Variants in UTS2 observed in about 807,000 individuals in gnomAD.
The protein encoded by UTS2 is urotensin-2.
UTS2 carries 10 observed loss-of-function variants against 12.6 expected under a neutral mutation model. The observed-to-expected ratio is 0.80, with a 90% CI of 0.49 to 1.35. The LOEUF is 1.35. Ranked by LOEUF, UTS2 falls within the 40% of genes most tolerant of loss-of-function variation. UTS2 has a pLI of 0.00. For missense variants in UTS2, 142 were observed against 143.2 expected, an observed-to-expected ratio of 0.99 and a Z score of 0.04; for synonymous variants, 52 against 50.0, an observed-to-expected ratio of 1.04 and a Z score of -0.17.
At chr1:7,893,910 G>A in the UTS2 span, among the ~76,000 whole-genome samples, 1 of 152,202 alleles carries the variant, frequency 6.6e-6, no homozygotes, top group Admixed American at 6.5e-5. Context: ...ATTGGGAAAT[G>A]ATAGATTCTT....
At chr1:7,897,863 A>AG in the UTS2 span, among the ~76,000 whole-genome samples, 4 of 152,326 alleles carry the variant, frequency 2.6e-5, no homozygotes, top group East Asian at 7.7e-4. Context: ...CTGGGATTAC[A>AG]GGCATTAGCC....
upstream of UTS2, chr1:7,853,177 T>A: frequency 7.3e-6 from 11 of 1,511,232 alleles, no homozygotes; most frequent in Non-Finnish European, 9.8e-6. Context: ...AGGCAATCAC[T>A]TTGCATTGAT....
At chr1:7,909,449 G>A in the UTS2 span, among the ~76,000 whole-genome samples, 3 of 150,098 alleles carry the variant, frequency 2.0e-5, no homozygotes, top group Non-Finnish European at 3.0e-5. Context: ...GAGGCTGAGA[G>A]AGGAGAATTG....
the UTS2 span, among the ~76,000 whole-genome samples, chr1:7,883,080 C>T: frequency 1.3e-5 from 2 of 152,134 alleles, no homozygotes; most frequent in Non-Finnish European, 2.9e-5. Flanking sequence ...TATATCTGCA[C>T]TCCCATGTTT....
At chr1:7,871,051 T>A in the UTS2 span, among the ~76,000 whole-genome samples, 1 of 152,216 alleles carries the variant, frequency 6.6e-6, no homozygotes, top group African/African-American at 2.4e-5. Flanking sequence ...AAAAGAACCG[T>A]GTGAGGCTAA....
At chr1:7,853,761 A>AC (rs1247798257), upstream of UTS2, among the ~76,000 whole-genome samples, 1 of 152,134 alleles carries the variant, frequency 6.6e-6, no homozygotes, top group Non-Finnish European at 1.5e-5. Context: ...TCCCAACTGT[A>AC]CTCTGCCCAA....
At chr1:7,864,370 T>G in the UTS2 span, among the ~76,000 whole-genome samples, 1 of 152,104 alleles carries the variant, frequency 6.6e-6, no homozygotes, top group African/African-American at 2.4e-5. Flanking sequence ...CTTCCCCCTC[T>G]CCCTCCTGTC....
intron 1 of UTS2, among the ~76,000 whole-genome samples, chr1:7,852,491 A>G (rs1354785737): frequency 8.5e-6 from 1 of 118,086 alleles, no homozygotes; most frequent in African/African-American, 3.0e-5. Flanking sequence ...TTTTTTAAAC[A>G]AAAGGTGAAA....
chr1:7,847,883 C>A lies in UTS2; in HGVS notation c.259-1G>T. 6.3e-7 allele frequency: 1 copy of A among 1,591,992 alleles called. No homozygotes were observed. On this transcript the variant is annotated splice_acceptor_variant, in intron 3 of 3. Coordinates refer to ENST00000361696, the MANE Select transcript of UTS2 (RefSeq NM_006786.4). LOFTEE classifies it high-confidence loss of function. ...GATCTTGTCCAGAGAAATCCTGAAACTAAAACAATCCAAACGAACAACAAC... is the reference window on the plus strand; with the variant it reads ...GATCTTGTCCAGAGAAATCCTGAAAATAAAACAATCCAAACGAACAACAAC...
the UTS2 span, among the ~76,000 whole-genome samples, chr1:7,898,499 G>A: frequency 4.0e-5 from 6 of 151,506 alleles, no homozygotes; most frequent in South Asian, 2.1e-4. Flanking sequence ...TTTTTGAGAC[G>A]GAGTCTCACT....
the UTS2 span, among the ~76,000 whole-genome samples, chr1:7,895,207 A>G: frequency 1.3e-5 from 2 of 152,128 alleles, no homozygotes; most frequent in South Asian, 4.1e-4. Flanking sequence ...TGTCTCTACT[A>G]AAAATACAAA....
At chr1:7,912,102 A>C in the UTS2 span, among the ~76,000 whole-genome samples, 1 of 152,152 alleles carries the variant, frequency 6.6e-6, no homozygotes. Flanking sequence ...CACTGTGGTC[A>C]CACTGTTTTA....
upstream of UTS2, among the ~76,000 whole-genome samples, chr1:7,857,086 GGAAGGAAGGAAGAAAAGGAAT>G (rs1485715750): frequency 3.9e-3 from 507 of 130,266 alleles, 3 homozygotes; most frequent in African/African-American, 0.014. Context: ...AGAGAGGGAA[GGAAGGAAGGAAGAAAAGGAAT>G]GAAGGAAGGA....
the UTS2 span, among the ~76,000 whole-genome samples, chr1:7,904,203 G>A: frequency 1.9e-3 from 294 of 151,694 alleles, 4 homozygotes; most frequent in African/African-American, 6.6e-3. Context: ...AAAGATGGCC[G>A]AGCACATTAT....
At chr1:7,896,496 A>G in the UTS2 span, among the ~76,000 whole-genome samples, 1 of 152,274 alleles carries the variant, frequency 6.6e-6, no homozygotes. Context: ...TTCTTAGTGG[A>G]AAATGAAATG....
intron 3 of UTS2, 40 bp from the exon 4 acceptor site, chr1:7,847,922 A>G (rs778151403): frequency 4.3e-6 from 6 of 1,386,398 alleles, no homozygotes; most frequent in African/African-American, 1.5e-5. Flanking sequence ...AAAAAAAAAC[A>G]GATAAGTTAC....
chr1:7,854,416 A>G (rs1460196393), upstream of UTS2, among the ~76,000 whole-genome samples: 4 of 150,162 alleles, frequency 2.7e-5, no homozygotes, highest in African/African-American at 9.8e-5. Context: ...GTGGTGGTGC[A>G]TGCCTGTATC....
chr1:7,862,391 A>G, the UTS2 span, among the ~76,000 whole-genome samples: 1 of 151,856 alleles, frequency 6.6e-6, no homozygotes, highest in Non-Finnish European at 1.5e-5. Context: ...ATACCTGCGA[A>G]TACCTGAGGC....
chr1:7,855,516 G>A (rs896992425), upstream of UTS2, among the ~76,000 whole-genome samples: 4 of 151,802 alleles, frequency 2.6e-5, no homozygotes, highest in Non-Finnish European at 5.9e-5. Flanking sequence ...CCTGGGAGTC[G>A]GAGGTTGCAG....
Sources: gnomAD v4.1 joint callset for allele counts (sites outside exome capture counted in the v4.1 genomes callset) on GRCh38, gnomAD v4.1.1 for gene constraint, MANE v1.5 for transcripts, NCBI Gene and HGNC (gene_info 2026-07-23, HGNC 2026-07-21) for gene names.